NPAS3: variants seen among roughly 807,000 people sequenced by gnomAD.
NPAS3 encodes the protein neuronal PAS domain protein 3.
Under a neutral mutation model 73.1 loss-of-function variants are expected in NPAS3, and 14 were observed. The ratio of observed to expected loss-of-function variants is 0.19; its 90% CI spans 0.13 to 0.30. The LOEUF (loss-of-function observed/expected upper bound fraction) is 0.30, where lower values mean the gene tolerates loss of function less well. Among genes scored for constraint, NPAS3 ranks in the 10% least tolerant of loss-of-function variants. The pLI, the probability that NPAS3 is intolerant of heterozygous loss-of-function variation, is 1.00. For missense variants in NPAS3, 1,096 were observed against 1,250.0 expected (o/e 0.88, Z 1.86); for synonymous variants, 620 against 541.5 (o/e 1.14, Z -2.01).
At chr14:33,010,561 A>C (rs1280863408) in intron 1 of NPAS3, among the ~76,000 whole-genome samples, 1 of 152,244 alleles carries the variant, frequency 6.6e-6, no homozygotes, top group East Asian at 1.9e-4. Flanking sequence ...ATTGATATAA[A>C]ATTGGCATAA....
At chr14:33,023,265 G>T (rs1201871703) in intron 1 of NPAS3, among the ~76,000 whole-genome samples, 1 of 152,118 alleles carries the variant, frequency 6.6e-6, no homozygotes, top group Non-Finnish European at 1.5e-5. Flanking sequence ...TATTTTTTGT[G>T]TGATATAAAT....
At chr14:33,212,148 G>A (rs1314528619) in intron 2 of NPAS3, among the ~76,000 whole-genome samples, 1 of 152,192 alleles carries the variant, frequency 6.6e-6, no homozygotes, top group Non-Finnish European at 1.5e-5. Flanking sequence ...AAAGATTAAT[G>A]CACAATCTAG....
intron 2 of NPAS3, among the ~76,000 whole-genome samples, chr14:33,156,561 T>C (rs987141719): frequency 1.3e-5 from 2 of 152,218 alleles, no homozygotes; most frequent in Non-Finnish European, 2.9e-5. Context: ...ATTTAACATT[T>C]TAAATTTTAA....
intron 6 of NPAS3, among the ~76,000 whole-genome samples, chr14:33,720,523 A>G (rs1196425666): frequency 2.6e-5 from 4 of 152,208 alleles, no homozygotes; most frequent in Admixed American, 2.6e-4. Flanking sequence ...CAGGTTAGAA[A>G]GTAAATTACA....
chr14:33,689,113 A>G (rs2060166971), intron 6 of NPAS3, among the ~76,000 whole-genome samples: 1 of 152,212 alleles, frequency 6.6e-6, no homozygotes, highest in South Asian at 2.1e-4. Flanking sequence ...GTAGGGCCTT[A>G]GAACAAGACA....
intron 2 of NPAS3, among the ~76,000 whole-genome samples, chr14:33,113,309 G>C (rs1243311426): frequency 6.6e-6 from 1 of 152,092 alleles, no homozygotes; most frequent in African/African-American, 2.4e-5. Flanking sequence ...AGCATGGAAT[G>C]TTCTTCCATT....
At chr14:33,577,440 A>G (rs2056481897) in intron 5 of NPAS3, among the ~76,000 whole-genome samples, 2 of 152,140 alleles carry the variant, frequency 1.3e-5, no homozygotes, top group African/African-American at 4.8e-5. Flanking sequence ...TGGTCTATAA[A>G]GAGGGGGGAG....
intron 2 of NPAS3, among the ~76,000 whole-genome samples, chr14:33,188,471 G>T (rs1475166540): frequency 6.6e-6 from 1 of 152,184 alleles, no homozygotes; most frequent in Non-Finnish European, 1.5e-5. Context: ...TGATTGCTTT[G>T]TGCCTCTCTT....
intron 4 of NPAS3, among the ~76,000 whole-genome samples, chr14:33,482,280 G>A (rs1486320791): frequency 5.3e-5 from 8 of 152,102 alleles, no homozygotes; most frequent in South Asian, 4.2e-4. Flanking sequence ...GTTCACATTC[G>A]AACCTTTAGA....
intron 4 of NPAS3, among the ~76,000 whole-genome samples, chr14:33,506,008 T>C (rs1457799761): frequency 6.6e-6 from 1 of 151,960 alleles, no homozygotes; most frequent in Non-Finnish European, 1.5e-5. Context: ...CTTCGAGTCC[T>C]CAAATGACAT....
intron 5 of NPAS3, among the ~76,000 whole-genome samples, chr14:33,629,804 A>G (rs1380742152): frequency 6.6e-6 from 1 of 151,948 alleles, no homozygotes; most frequent in Non-Finnish European, 1.5e-5. Context: ...GAAAACCTAC[A>G]TCACAGGACT....
rs192159747 is a variant in NPAS3, at chr14:33,488,989, C to T, written c.469-71132C>T. On this transcript the variant is annotated intron_variant, in intron 4 of 11. Transcript: ENST00000356141. ...GCAAGCTCAAAATTGTACCCATTCT[C>T]CCTGAATGCTATAGCAGTAAGCCCT... is the stretch of plus-strand genomic sequence containing the variant. Among the ~76,000 whole-genome samples, 29 of 152,248 alleles carry T rather than the reference C, an allele frequency of 1.9e-4. No homozygotes were observed. The East Asian group carries it at 5.0e-3, about 26-fold the overall frequency.
intron 3 of NPAS3, among the ~76,000 whole-genome samples, chr14:33,327,166 A>C (rs2043745771): frequency 6.6e-6 from 1 of 152,220 alleles, no homozygotes; most frequent in Non-Finnish European, 1.5e-5. Context: ...GGTTTTGATT[A>C]TTTAATTACT....
chr14:33,369,404 CAAAAA>C (rs3058296), intron 4 of NPAS3, among the ~76,000 whole-genome samples: 17 of 90,934 alleles, frequency 1.9e-4, no homozygotes, highest in East Asian at 8.0e-4. Context: ...GCCTCATTTC[CAAAAA>C]AAAAAAAAAA....
chr14:33,161,320 C>A (rs894000952), intron 2 of NPAS3, among the ~76,000 whole-genome samples: 1 of 152,168 alleles, frequency 6.6e-6, no homozygotes, highest in Non-Finnish European at 1.5e-5. Flanking sequence ...TTTGACTTCT[C>A]AAAACCTTGT....
chr14:32,957,278 A>G (rs1368971608), intron 1 of NPAS3, among the ~76,000 whole-genome samples: 1 of 152,144 alleles, frequency 6.6e-6, no homozygotes, highest in Non-Finnish European at 1.5e-5. Context: ...CATAGTGATA[A>G]GCTCTTTATT....
chr14:33,209,604 G>A (rs941428519), intron 2 of NPAS3, among the ~76,000 whole-genome samples: 1 of 152,142 alleles, frequency 6.6e-6, no homozygotes, highest in African/African-American at 2.4e-5. Flanking sequence ...TTTAATACAG[G>A]TCGACCTTCT....
chr14:33,565,180 T>C (rs2055866168), intron 5 of NPAS3, among the ~76,000 whole-genome samples: 1 of 152,182 alleles, frequency 6.6e-6, no homozygotes, highest in Admixed American at 6.5e-5. Context: ...TTAAATTTGG[T>C]ATTTTTTTTA....
chr14:33,367,780 A>G (rs1337486044), intron 4 of NPAS3, among the ~76,000 whole-genome samples: 3 of 152,148 alleles, frequency 2.0e-5, no homozygotes, highest in African/African-American at 4.8e-5. Flanking sequence ...AGTATATTTA[A>G]AAATACTAGT....
Sources: allele counts gnomAD v4.1 joint callset (sites outside exome capture counted in the v4.1 genomes callset), GRCh38; gene constraint gnomAD v4.1.1; transcripts MANE v1.5; gene names NCBI Gene and HGNC (gene_info 2026-07-23, HGNC 2026-07-21).